The following MED1 variants were observed in gnomAD, a reference collection of about 807,000 sequenced individuals.
The protein encoded by MED1 is mediator of RNA polymerase II transcription subunit 1.
In MED1, 17 loss-of-function variants were observed where a neutral mutation model predicts 121.3. The ratio of observed to expected loss-of-function variants is 0.14; its 90% confidence interval spans 0.10 to 0.21. The LOEUF is 0.21. MED1 is among the 10% of genes least tolerant of loss of function. The pLI, the probability that MED1 is intolerant of heterozygous loss-of-function variation, is 1.00. For missense variants in MED1, 1,558 were observed against 1,919.4 expected (o/e 0.81, Z 3.52); for synonymous variants, 661 against 694.4 (o/e 0.95, Z 0.76).
In MED1 at chr17:39,408,721, G is replaced by C; in HGVS notation, c.3500C>G (p.Ser1167Cys). The C allele has an allele frequency of 1.2e-6, 2 of 1,614,218 alleles. No individual in the cohort carries two copies. Among genetic ancestry groups the C allele is most frequent in the Non-Finnish European group, 1.7e-6 (2 of 1,180,036 alleles). ...TTGAGGTTTCATCTTGGTGCTGCTA[G>C]AGCCACTGCTCAGTCCATGCTTGGT... ...PITKHGLSSGSSSTKMKPQGK... is the reference protein window; with the variant it reads ...PITKHGLSSGCSSTKMKPQGK... The change falls in exon 17 of 17, where the codon TCT becomes TGT. Residue 1167 changes from serine (S) to cysteine (C), a missense_variant. Transcript: ENST00000300651. This position sits in a 1 kb window ranked among gnomAD's most constrained non-coding sequence, Gnocchi z 4.7.
intron 14 of MED1, among the ~76,000 whole-genome samples, chr17:39,418,777 A>G (rs571501928): frequency 8.8e-5 from 13 of 147,782 alleles, no homozygotes; most frequent in African/African-American, 2.9e-4. Context: ...GTGTGGAAAC[A>G]CAGCATCTGT....
chr17:39,416,905 G>A (rs1354422705), intron 14 of MED1, among the ~76,000 whole-genome samples: 1 of 152,148 alleles, frequency 6.6e-6, no homozygotes, highest in African/African-American at 2.4e-5. Flanking sequence ...AGATGTAGAG[G>A]TGCATGCCTA....
rs1261820474 is a variant in MED1 at position 39,443,342 on chromosome 17, A to T, written c.211+208T>A. Among the ~76,000 whole-genome samples, 3 of 152,094 alleles carry T rather than the reference A, an allele frequency of 2.0e-5. No individual in the cohort carries two copies. In the South Asian group the frequency reaches 6.2e-4, roughly 32 times the overall value. On this transcript the variant is annotated intron_variant, in intron 3 of 16. Coordinates refer to ENST00000300651, the MANE Select transcript of MED1 (RefSeq NM_004774.4). ...TTACCCTTCATCATTTATCTTTTAA[A>T]TCTCTATCAGCCTCCAAAACAGGAT...
chr17:39,407,307 A>G lies in MED1; in HGVS notation c.*168T>C, dbSNP rs2048311223. 1 of 1,278,530 alleles carries G rather than the reference A, an allele frequency of 7.8e-7. No individual in the cohort carries two copies. Among genetic ancestry groups the G allele is most frequent in the South Asian group, 3.0e-5 (1 of 33,178 alleles). 79.2% of individuals were successfully genotyped at this position (1,278,530 alleles called of 1,614,324 possible). ...AATCAAACCCTGTGGTTTCTTTAAT[A>G]GGGTCTGGATATGCCTTTCTAATTC... On this transcript the variant is annotated 3_prime_UTR_variant, in exon 17 of 17. Transcript: ENST00000300651.
rs772787767 is a variant in MED1 at position 39,407,983 on chromosome 17, G to A, written c.4238C>T (p.Pro1413Leu). ...AAGCCCTTCTCCACTACTTTCCCCA[G>A]GTTTCTGCAAAGTCACTTTGGCTTT... ...SIKAKVTLQK[P>L]GESSGEGLRP... The change falls in exon 17 of 17, where the codon CCT (proline) becomes CTT (leucine). Residue 1413 changes from proline to leucine, a missense_variant. Physicochemically the swap from Pro to Leu is moderately conservative, Grantham distance 98. This residue lies in a region of MED1 where 264 missense variants were observed against 326.1 expected (regional missense o/e 0.81). Coordinates refer to ENST00000300651, the MANE Select transcript of MED1 (RefSeq NM_004774.4). 12 of 1,614,004 alleles carry A rather than the reference G, an allele frequency of 7.4e-6. No homozygotes were observed. Among genetic ancestry groups the A allele is most frequent in the African/African-American group, 5.3e-5 (4 of 74,916 alleles).
At chr17:39,410,786 G>A in intron 16 of MED1, 65 bp from the exon 17 acceptor site, 1 of 1,524,708 alleles carries the variant, frequency 6.6e-7, no homozygotes. Context: ...CTGAGATTTA[G>A]ATATAACATC....
chr17:39,430,033 T>C lies in MED1; in HGVS notation c.649+1082A>G, dbSNP rs2048551109. On this transcript the variant is annotated intron_variant, in intron 9 of 16. Transcript: ENST00000300651. ...AGGAGGTTGAGGCTGGAGTGAGTCA[T>C]GATTGCACGACTGCACTCCAGCCTG... 1.3e-5 allele frequency among the ~76,000 whole-genome samples: 2 copies of C among 150,540 alleles called. 1 individual carries two copies. The highest frequency in any genetic ancestry group is 4.2e-4 in the South Asian group (2 of 4,730).
rs1332736011 is a variant in MED1 at position 39,415,007 on chromosome 17, G to A, written c.1499+19C>T. 1.9e-6 allele frequency: 3 copies of A among 1,606,016 alleles called. No individual in the cohort carries two copies. The highest frequency in any genetic ancestry group is 2.2e-5 in the South Asian group (2 of 90,826). On this transcript the variant is annotated intron_variant, in intron 16 of 16. Transcript: ENST00000300651. ...ATACATCTCTAAATGGGACTCAGATGAAAAAGGGCCAAGGCTACCTTTGAA... is the reference window on the plus strand; with the variant it reads ...ATACATCTCTAAATGGGACTCAGATAAAAAAGGGCCAAGGCTACCTTTGAA...
chr17:39,422,415 C>T (rs1280478780), intron 13 of MED1, among the ~76,000 whole-genome samples: 1 of 149,312 alleles, frequency 6.7e-6, no homozygotes. Context: ...CCACCTGCCT[C>T]GGCCTCCCAA....
rs2048719929 is a variant in MED1, at chr17:39,445,731, A to G, written c.132+2067T>C. 2.0e-5 allele frequency among the ~76,000 whole-genome samples: 3 copies of G among 152,058 alleles called. No homozygotes were observed. The South Asian group carries it at 6.2e-4, about 32-fold the overall frequency. On this transcript the variant is annotated intron_variant, in intron 2 of 16. Transcript: ENST00000300651. Reference sequence around the variant, plus strand: ...AAGCTAGAATTTGGTTGCCTTAAGGAATAAAAATGACAACCTGGGCCAGGC... The same window carrying G: ...AAGCTAGAATTTGGTTGCCTTAAGGGATAAAAATGACAACCTGGGCCAGGC...
At chr17:39,431,311 C>T in intron 8 of MED1, 123 bp from the exon 9 acceptor site, 1 of 758,878 alleles carries the variant, frequency 1.3e-6, no homozygotes. Context: ...GAGTTTCGCT[C>T]TTGTCGCCCA....
chr17:39,441,933 T>G (rs988398762), intron 3 of MED1, among the ~76,000 whole-genome samples: 1 of 152,060 alleles, frequency 6.6e-6, no homozygotes, highest in African/African-American at 2.4e-5. Context: ...TGAAACCCCA[T>G]CTCTACTAAA....
intron 13 of MED1, among the ~76,000 whole-genome samples, chr17:39,420,137 CAT>C (rs934234412): frequency 1.9e-4 from 29 of 151,190 alleles, no homozygotes; most frequent in African/African-American, 6.8e-4. Context: ...ACCTAGCTAA[CAT>C]AAAAACTACC....
At chr17:39,444,592 C>T (rs1292179325) in intron 2 of MED1, among the ~76,000 whole-genome samples, 1 of 146,530 alleles carries the variant, frequency 6.8e-6, no homozygotes, top group African/African-American at 2.5e-5. Context: ...AGTTTGAGGC[C>T]GGTTGCAGTG....
intron 13 of MED1, among the ~76,000 whole-genome samples, chr17:39,420,743 A>G (rs1001842505): frequency 6.6e-6 from 1 of 150,464 alleles, no homozygotes; most frequent in African/African-American, 2.4e-5. Flanking sequence ...GAAGCCCCTC[A>G]GCTTCCCGAG....
chr17:39,420,929 G>C (rs1245513582), intron 13 of MED1, among the ~76,000 whole-genome samples: 1 of 150,714 alleles, frequency 6.6e-6, no homozygotes, highest in Non-Finnish European at 1.5e-5. Context: ...CCAAGTAGCT[G>C]GGACTACAGG....
At chr17:39,450,784 T>G (rs2048774949) in intron 1 of MED1, among the ~76,000 whole-genome samples, 1 of 152,154 alleles carries the variant, frequency 6.6e-6, no homozygotes, top group African/African-American at 2.4e-5. Context: ...TTGCCCCGTC[T>G]CCCACCACTT....
intron 7 of MED1, among the ~76,000 whole-genome samples, chr17:39,432,941 C>T (rs759091416): frequency 6.6e-6 from 1 of 152,086 alleles, no homozygotes; most frequent in African/African-American, 2.4e-5. Context: ...GGCGCAATGT[C>T]TCACGCCTAT....
At chr17:39,436,930 G>C (rs560493368) in intron 6 of MED1, among the ~76,000 whole-genome samples, 15 of 151,320 alleles carry the variant, frequency 9.9e-5, no homozygotes, top group Non-Finnish European at 2.1e-4. Context: ...ACTATGCTCA[G>C]CTACTTTTTT....
Sources: allele counts gnomAD v4.1 joint callset (sites outside exome capture counted in the v4.1 genomes callset), GRCh38; gene constraint gnomAD v4.1.1; regional missense constraint gnomAD v4.1.1; non-coding constraint Gnocchi (gnomAD v3.1); transcripts MANE v1.5; gene names NCBI Gene and HGNC (gene_info 2026-07-23, HGNC 2026-07-21).